Variants in TACC3 observed in about 807,000 individuals in gnomAD.
TACC3 encodes the protein transforming acidic coiled-coil-containing protein 3.
In TACC3, 52 loss-of-function variants were observed where a neutral mutation model predicts 86.0. The observed-to-expected ratio is 0.60, with a 90% CI of 0.48 to 0.76. The LOEUF (loss-of-function observed/expected upper bound fraction) is 0.76. Among genes scored for constraint, TACC3 ranks in the 30% least tolerant of loss-of-function variants. The pLI, the probability that TACC3 is intolerant of heterozygous loss-of-function variation, is 0.00. For synonymous variants in TACC3, 512 were observed against 430.0 expected (o/e 1.19, Z -2.36); for missense variants, 1,120 against 1,070.4 (o/e 1.05, Z -0.65).
intron 3 of TACC3, among the ~76,000 whole-genome samples, chr4:1,726,257 C>T (rs1476147162): frequency 1.3e-5 from 2 of 152,178 alleles, no homozygotes; most frequent in Admixed American, 1.3e-4. Context: ...GGCGCCATCC[C>T]AGGGAGGCGT....
Position 1,740,798 on chromosome 4 carries a change from CCTGAACGTTTG to C in TACC3, c.2063-25_2063-15del. On this transcript the variant is annotated splice_polypyrimidine_tract_variant and intron_variant, in intron 12 of 15. Coordinates refer to ENST00000313288, the MANE Select transcript of TACC3 (RefSeq NM_006342.3). The stretch of plus-strand genomic sequence containing the variant: ...CCCATCGTTTCGGTTGCCTCCTCAT[CCTGAACGTTTG>C]CTTTTCTTTTCTCAAGAGGAAGTTC... The C allele has an allele frequency of 6.3e-7, 1 of 1,596,790 alleles. No individual in the cohort carries two copies. The highest frequency in any genetic ancestry group is 8.5e-7 in the Non-Finnish European group (1 of 1,173,446).
intron 11 of TACC3, 90 bp downstream of exon 11, chr4:1,739,868 C>A (rs1256804655): frequency 6.5e-7 from 1 of 1,535,154 alleles, no homozygotes; most frequent in Non-Finnish European, 8.9e-7. Context: ...CCCCATCCCC[C>A]TCGCCATCCC....
In TACC3 at chr4:1,737,660, A is replaced by G. The variant is rs1718351585; in HGVS notation, c.1899A>G (p.Ile633Met). Reference protein sequence around the residue: ...PGGPPLSTGPIVDLLQYSQKD... With the variant: ...PGGPPLSTGPMVDLLQYSQKD... The stretch of plus-strand genomic sequence containing the variant: ...GCCCACCCCTGTCCACCGGACCTAT[A>G]GTGGACCTGCTCCAGTACAGCCAGA... Residue 633 changes from isoleucine (I) to methionine (M), a missense_variant, in exon 10 of 16, where the codon ATA becomes ATG. Transcript: ENST00000313288. 1 of 1,550,038 alleles carries G rather than the reference A, an allele frequency of 6.5e-7. No homozygotes were observed. The highest frequency in any genetic ancestry group is 8.7e-7 in the Non-Finnish European group (1 of 1,146,352).
chr4:1,744,324 G>A, intron 13 of TACC3, 194 bp from the exon 14 acceptor site: 1 of 592,002 alleles, frequency 1.7e-6, no homozygotes, highest in Non-Finnish European at 3.0e-6. Context: ...GGAGAGCCAG[G>A]GCTGTCCTGA....
intron 10 of TACC3, 120 bp downstream of exon 10, chr4:1,737,822 T>C (rs1221686892): frequency 9.1e-6 from 9 of 985,720 alleles, no homozygotes; most frequent in Non-Finnish European, 1.4e-5. Context: ...CCCTGCTGGT[T>C]GGGGTGGAAT....
chr4:1,733,087 G>A (rs932956947), intron 6 of TACC3, among the ~76,000 whole-genome samples: 2 of 152,138 alleles, frequency 1.3e-5, no homozygotes, highest in African/African-American at 4.8e-5. Context: ...ATCCTCGCCA[G>A]CGCTGCTTGT....
rs769704042 is a variant in TACC3 at position 1,723,430 on chromosome 4, G to C, written c.9G>C (p.Leu3=). The C allele has an allele frequency of 2.2e-5, 36 of 1,613,002 alleles. No individual in the cohort carries two copies. Among genetic ancestry groups the C allele is most frequent in the Non-Finnish European group, 3.1e-5 (36 of 1,179,776 alleles). Residue 3 remains leucine, a synonymous_variant, in exon 2 of 16, where the codon CTG becomes CTC. Transcript: ENST00000313288. ...TGTTCTGCTTTTCCAGAATGAGTCT[G>C]CAGGTCTTAAACGACAAAAATGTCA... MS[L]QVLNDKNVSN...
At chr4:1,732,734 C>T (rs1031831742) in intron 6 of TACC3, among the ~76,000 whole-genome samples, 4 of 152,196 alleles carry the variant, frequency 2.6e-5, no homozygotes, top group South Asian at 2.1e-4. Context: ...CTTCTGTGTC[C>T]GGCGTCTCCC....
At position 1,745,095 on chromosome 4, in the gene TACC3, CTGTCT is replaced by C. The variant is rs1370468646; in HGVS notation, c.*89_*93del. The stretch of plus-strand genomic sequence containing the variant: ...TCTCTTAGGTGTCATGTTCTTTTTT[CTGTCT>C]TGTCTTCAACTTTTTTAAAAACTAG... On this transcript the variant is annotated 3_prime_UTR_variant, in exon 16 of 16. Coordinates refer to ENST00000313288, the MANE Select transcript of TACC3 (RefSeq NM_006342.3). 7 of 1,406,976 alleles carry C rather than the reference CTGTCT, an allele frequency of 5.0e-6. No homozygotes were observed. The Admixed American group carries it at 9.7e-5, about 19-fold the overall frequency. The allele number at this position is 1,406,976 out of a possible 1,614,324, so 87.2% of individuals were successfully genotyped here.
At chr4:1,739,060 G>T (rs914810297) in intron 10 of TACC3, among the ~76,000 whole-genome samples, 4 of 152,224 alleles carry the variant, frequency 2.6e-5, no homozygotes, top group Non-Finnish European at 1.5e-5. Context: ...TGTAATCCCA[G>T]TACTTTGGGA....
At chr4:1,734,149 G>C (rs1199068479) in intron 6 of TACC3, among the ~76,000 whole-genome samples, 2 of 152,128 alleles carry the variant, frequency 1.3e-5, no homozygotes, top group African/African-American at 4.8e-5. Context: ...CCTCAGCCTG[G>C]ATCTCAGCCA....
chr4:1,733,953 A>C (rs919807504), intron 6 of TACC3, among the ~76,000 whole-genome samples: 1 of 150,298 alleles, frequency 6.7e-6, no homozygotes, highest in Non-Finnish European at 1.5e-5. Context: ...ACTCCACCTG[A>C]GCAACAGAGC....
chr4:1,740,101 G>T, intron 12 of TACC3, 99 bp downstream of exon 12: 1 of 1,235,470 alleles, frequency 8.1e-7, no homozygotes, highest in Non-Finnish European at 1.2e-6. Context: ...CCACCCTCCT[G>T]AGGCCCCTTT....
At chr4:1,738,024 C>T (rs1205764398) in intron 10 of TACC3, 1 of 414,130 alleles carries the variant, frequency 2.4e-6, no homozygotes, top group Non-Finnish European at 4.7e-6. Flanking sequence ...CCGAGTGTCG[C>T]CCCTTTCCTC....
chr4:1,741,289 ACCGGGG>A (rs1718588297), intron 13 of TACC3: 1 of 241,250 alleles, frequency 4.1e-6, no homozygotes, highest in Non-Finnish European at 8.0e-6. Context: ...GCGCTGGTGC[ACCGGGG>A]CCTGGGGCAC....
Position 1,739,697 on chromosome 4 carries a change from A to G in TACC3, c.1942-5A>G. 1 of 1,573,720 alleles carries G rather than the reference A, an allele frequency of 6.4e-7. No individual in the cohort carries two copies. ...TGCCTGCTGACTTGGGTGTGGCCTG[A>G]GCAGGTAAAGGCGACACAGGAGGAG... is the stretch of plus-strand genomic sequence containing the variant. On this transcript the variant is annotated splice_polypyrimidine_tract_variant and splice_region_variant and intron_variant, in intron 10 of 15. Coordinates refer to ENST00000313288, the MANE Select transcript of TACC3 (RefSeq NM_006342.3).
chr4:1,735,894 T>C lies in TACC3; in HGVS notation c.1748+60T>C. ...TTGAGTGTGGGAAGACTGGAGGCTG[T>C]TCCTAGGTGTGCTGTCTGCACAGAG... On this transcript the variant is annotated intron_variant, in intron 8 of 15. Transcript: ENST00000313288. This position sits in a 1 kb window ranked among gnomAD's most constrained non-coding sequence, Gnocchi z 4.2. The C allele has an allele frequency of 8.2e-7, 1 of 1,221,354 alleles. No individual in the cohort carries two copies. The highest frequency in any genetic ancestry group is 1.2e-6 in the Non-Finnish European group (1 of 856,368). The allele number at this position is 1,221,354 out of a possible 1,614,324, so 75.7% of individuals were successfully genotyped here.
Position 1,723,546 on chromosome 4 carries a change from A to G in TACC3, c.125A>G (p.Glu42Gly). The G allele has an allele frequency of 6.2e-7, 1 of 1,613,690 alleles. No individual in the cohort carries two copies. Among genetic ancestry groups the G allele is most frequent in the Non-Finnish European group, 8.5e-7 (1 of 1,179,928 alleles). The change falls in exon 2 of 16, where the codon GAA becomes GGA. Residue 42 changes from glutamate to glycine, a missense_variant. Coordinates refer to ENST00000313288, the MANE Select transcript of TACC3 (RefSeq NM_006342.3). ...TCTGTTCTTCGTGTGTCACAGAAAG[A>G]AAATGTGCCACCCAAGAACCTGGCC... ...RSSVLRVSQK[E>G]NVPPKNLAKA...
intron 1 of TACC3, among the ~76,000 whole-genome samples, chr4:1,722,580 A>T (rs1044557902): frequency 3.3e-5 from 5 of 151,220 alleles, no homozygotes; most frequent in South Asian, 2.1e-4. Flanking sequence ...CTTCTCCAGG[A>T]CCCTCCCCAA....
Sources: gnomAD v4.1 joint callset for allele counts (sites outside exome capture counted in the v4.1 genomes callset) on GRCh38, gnomAD v4.1.1 for gene constraint, Gnocchi (gnomAD v3.1) non-coding constraint, MANE v1.5 for transcripts, NCBI Gene and HGNC (gene_info 2026-07-23, HGNC 2026-07-21) for gene names.